SMOC2: variants seen among roughly 807,000 people sequenced by gnomAD.
SMOC2 encodes SPARC related modular calcium binding 2, also known as SPARC-related modular calcium-binding protein 2.
SMOC2 carries 39 observed loss-of-function variants against 61.4 expected under a neutral mutation model. The observed-to-expected ratio is 0.64, with a 90% CI of 0.49 to 0.83. SMOC2 has a LOEUF of 0.83. SMOC2 is among the 40% of genes least tolerant of loss of function. SMOC2 has a pLI of 0.00. For synonymous variants in SMOC2, 247 were observed against 239.9 expected, an observed-to-expected ratio of 1.03 and a Z score of -0.27; for missense variants, 556 against 592.9, an observed-to-expected ratio of 0.94 and a Z score of 0.65.
chr6:168,633,861 G>A (rs1341737177), intron 9 of SMOC2, among the ~76,000 whole-genome samples: 7 of 152,194 alleles, frequency 4.6e-5, no homozygotes, highest in East Asian at 3.8e-4. Context: ...CCCATGTGTC[G>A]TGAGAGGGAC....
chr6:168,499,125 G>A (rs567359349), intron 1 of SMOC2, among the ~76,000 whole-genome samples: 13 of 149,688 alleles, frequency 8.7e-5, no homozygotes, highest in Admixed American at 4.6e-4. Context: ...CACAGTCTCT[G>A]GGGGGACAGC....
intron 1 of SMOC2, among the ~76,000 whole-genome samples, chr6:168,471,771 A>G (rs1781972367): frequency 6.6e-6 from 1 of 151,782 alleles, no homozygotes; most frequent in South Asian, 2.1e-4. Context: ...TTATTTTTGG[A>G]TAGTGCCATC....
At chr6:168,468,839 T>C (rs58749996) in intron 1 of SMOC2, among the ~76,000 whole-genome samples, 9,857 of 152,302 alleles carry the variant, frequency 0.065, 386 homozygotes, top group Non-Finnish European at 0.093. Flanking sequence ...CGGAGGATTA[T>C]GAAGGTTTTA....
At chr6:168,534,164 C>T (rs545695854) in intron 4 of SMOC2, among the ~76,000 whole-genome samples, 1 of 152,234 alleles carries the variant, frequency 6.6e-6, no homozygotes, top group South Asian at 2.1e-4. Flanking sequence ...TAAATTTACT[C>T]TGTAACACGT....
intron 1 of SMOC2, among the ~76,000 whole-genome samples, chr6:168,490,311 T>C (rs1782444766): frequency 6.6e-6 from 1 of 152,218 alleles, no homozygotes; most frequent in Non-Finnish European, 1.5e-5. Context: ...TCACACTGTT[T>C]TAGAATGAAA....
At chr6:168,610,633 T>C (rs1785834111) in intron 9 of SMOC2, among the ~76,000 whole-genome samples, 1 of 152,234 alleles carries the variant, frequency 6.6e-6, no homozygotes, top group African/African-American at 2.4e-5. Context: ...AAGCTGATAA[T>C]ATTTTCACAC....
In SMOC2 at chr6:168,488,627, C is replaced by G. The variant is rs9456126; in HGVS notation, c.85-21288C>G. On this transcript the variant is annotated intron_variant, in intron 1 of 12. Coordinates refer to ENST00000356284, the MANE Select transcript of SMOC2 (RefSeq NM_001166412.2). ...AGAGATCAGGACCCAGGTTCTCAAT[C>G]GAATCGTCTGGGTCCCCTTGGATCA... Among the ~76,000 whole-genome samples the G allele has an allele frequency of 7.1e-3, 1,082 of 152,306 alleles. 13 individuals carry two copies. The highest frequency in any genetic ancestry group is 0.025 in the African/African-American group (1,039 of 41,568).
At chr6:168,599,853 C>T (rs1426165366) in intron 8 of SMOC2, among the ~76,000 whole-genome samples, 1 of 142,552 alleles carries the variant, frequency 7.0e-6, no homozygotes, top group Non-Finnish European at 1.5e-5. Flanking sequence ...CAGTCACACA[C>T]AGTCTTATAC....
At chr6:168,604,536 T>C (rs1184570020) in intron 8 of SMOC2, among the ~76,000 whole-genome samples, 1 of 152,144 alleles carries the variant, frequency 6.6e-6, no homozygotes, top group Non-Finnish European at 1.5e-5. Flanking sequence ...CTCAGCGCAA[T>C]TTTCTTATTA....
intron 1 of SMOC2, among the ~76,000 whole-genome samples, chr6:168,482,245 T>C (rs532169830): frequency 3.1e-4 from 47 of 152,100 alleles, no homozygotes; most frequent in African/African-American, 1.1e-3. Flanking sequence ...GGAACAGTAC[T>C]ACCAACTCTA....
intron 7 of SMOC2, among the ~76,000 whole-genome samples, chr6:168,595,874 T>C (rs145096517): frequency 2.3e-4 from 35 of 152,360 alleles, no homozygotes; most frequent in African/African-American, 7.9e-4. Context: ...TTTCAAGAAT[T>C]TTTGAGAACA....
At chr6:168,504,548 A>G (rs1782817106) in intron 1 of SMOC2, among the ~76,000 whole-genome samples, 1 of 151,926 alleles carries the variant, frequency 6.6e-6, no homozygotes, top group African/African-American at 2.4e-5. Context: ...GGTGGAGCTC[A>G]GGGTAATATG....
chr6:168,631,794 G>A (rs1398849712), intron 9 of SMOC2, among the ~76,000 whole-genome samples: 2 of 152,150 alleles, frequency 1.3e-5, no homozygotes, highest in African/African-American at 2.4e-5. Flanking sequence ...TCCCATTACA[G>A]CCTTTGATTA....
At chr6:168,658,599 A>G (rs961038685) in intron 11 of SMOC2, among the ~76,000 whole-genome samples, 5 of 152,046 alleles carry the variant, frequency 3.3e-5, no homozygotes, top group African/African-American at 1.2e-4. Flanking sequence ...CCTGTCTACT[A>G]ATTTCTTCAA....
chr6:168,604,524 C>T (rs1785637270), intron 8 of SMOC2, among the ~76,000 whole-genome samples: 1 of 152,174 alleles, frequency 6.6e-6, no homozygotes, highest in East Asian at 1.9e-4. Flanking sequence ...GCCCTCTGTT[C>T]CCTCAGCGCA....
At chr6:168,521,993 A>G (rs997336766) in intron 2 of SMOC2, among the ~76,000 whole-genome samples, 4 of 152,256 alleles carry the variant, frequency 2.6e-5, no homozygotes, top group Non-Finnish European at 5.9e-5. Flanking sequence ...CAAAATTCAC[A>G]TAAGAAAGTT....
intron 1 of SMOC2, among the ~76,000 whole-genome samples, chr6:168,472,479 G>T (rs1425940459): frequency 6.6e-6 from 1 of 151,782 alleles, no homozygotes. Context: ...TTTTTAAATT[G>T]CTCCCTTAAC....
intron 1 of SMOC2, among the ~76,000 whole-genome samples, chr6:168,449,728 G>T (rs1781417918): frequency 6.6e-6 from 1 of 152,220 alleles, no homozygotes; most frequent in African/African-American, 2.4e-5. Flanking sequence ...CCAGCTCCCT[G>T]TGTGTGACAA....
At chr6:168,600,441 A>AAAAAAC (rs1785520724) in intron 8 of SMOC2, among the ~76,000 whole-genome samples, 1 of 127,030 alleles carries the variant, frequency 7.9e-6, no homozygotes, top group African/African-American at 3.0e-5. Context: ...AAACAAAAAA[A>AAAAAAC]AAAACAGTAG....
Sources: gnomAD v4.1 joint callset for allele counts (sites outside exome capture counted in the v4.1 genomes callset) on GRCh38, gnomAD v4.1.1 for gene constraint, MANE v1.5 for transcripts, NCBI Gene and HGNC (gene_info 2026-07-23, HGNC 2026-07-21) for gene names.